Variants in DENND6A observed in about 807,000 individuals in gnomAD.
DENND6A encodes the protein DENN domain containing 6A.
DENND6A carries 43 observed loss-of-function variants against 95.5 expected under a neutral mutation model. That is an observed-to-expected ratio of 0.45 (90% CI 0.35 to 0.58). The LOEUF is 0.58. DENND6A is among the 20% of genes least tolerant of loss of function. DENND6A has a pLI of 0.00. For synonymous variants in DENND6A, 257 were observed against 260.4 expected (o/e 0.99, Z 0.13); for missense variants, 574 against 736.0 (o/e 0.78, Z 2.55).
At position 57,646,372 on chromosome 3, in the gene DENND6A, A is replaced by C. The variant is rs1398235610; in HGVS notation, c.885T>G (p.Leu295=). The change falls in exon 10 of 20, where the codon CTT becomes CTG. Residue 295 remains leucine, a synonymous_variant. Transcript: ENST00000311128. ...LWELVLLGEP[L]VVMAPSPSES... ...CCGATGGTGATGGCGCCATAACCAC[A>C]AGGGGCTCCCCCAACAGCACCAGCT... 6.2e-7 allele frequency: 1 copy of C among 1,614,056 alleles called. No individual in the cohort carries two copies. Among genetic ancestry groups the C allele is most frequent in the Non-Finnish European group, 8.5e-7 (1 of 1,179,928 alleles).
intron 9 of DENND6A, among the ~76,000 whole-genome samples, chr3:57,647,303 C>A (rs1236474639): frequency 2.0e-5 from 3 of 152,038 alleles, no homozygotes; most frequent in African/African-American, 7.2e-5. Flanking sequence ...CAAACAACAA[C>A]AAAAAAACAG....
intron 12 of DENND6A, among the ~76,000 whole-genome samples, chr3:57,636,507 A>G (rs539265023): frequency 1.3e-5 from 2 of 152,340 alleles, no homozygotes; most frequent in South Asian, 4.1e-4. Flanking sequence ...AGAAATGACA[A>G]TATGGAGGGA....
Position 57,634,780 on chromosome 3 carries a change from C to G in DENND6A, c.1133-11G>C, listed in dbSNP as rs1258490158. The G allele has an allele frequency of 5.8e-6, 9 of 1,540,938 alleles. No individual in the cohort carries two copies. The highest frequency in any genetic ancestry group is 7.9e-6 in the Non-Finnish European group (9 of 1,146,236). ...GCTTAGGAATTTCACCTGAAGGAAGCAGCATAAAGATTTTTATAATTATTC... is the reference window on the plus strand; with the variant it reads ...GCTTAGGAATTTCACCTGAAGGAAGGAGCATAAAGATTTTTATAATTATTC... On this transcript the variant is annotated splice_polypyrimidine_tract_variant and intron_variant, in intron 12 of 19. Transcript: ENST00000311128.
intron 9 of DENND6A, among the ~76,000 whole-genome samples, chr3:57,650,466 CCTAG>C (rs1417033730): frequency 6.6e-6 from 1 of 150,482 alleles, no homozygotes; most frequent in East Asian, 2.0e-4. Flanking sequence ...ACACACACAT[CCTAG>C]CTTTGTCCAC....
At position 57,687,676 on chromosome 3, in the gene DENND6A, T is replaced by C. The variant is rs184696270; in HGVS notation, c.237+5106A>G. Among the ~76,000 whole-genome samples, 5 of 152,246 alleles carry C rather than the reference T, an allele frequency of 3.3e-5. No individual in the cohort carries two copies. The East Asian group carries it at 9.7e-4, about 29-fold the overall frequency. ...AGCCAGGTGTGGTCGCTCATGTCTG[T>C]AATCCTAGCACTTTAGGAGGTGGAG... On this transcript the variant is annotated intron_variant, in intron 1 of 19. Transcript: ENST00000311128.
chr3:57,628,725 G>A (rs1360828137), intron 19 of DENND6A, 86 bp downstream of exon 19: 44 of 1,369,360 alleles, frequency 3.2e-5, no homozygotes, highest in Non-Finnish European at 4.1e-5. Context: ...TTACTTCTGC[G>A]AACTATCATG....
chr3:57,675,646 T>C (rs1296078036), intron 1 of DENND6A, among the ~76,000 whole-genome samples: 1 of 152,156 alleles, frequency 6.6e-6, no homozygotes, highest in African/African-American at 2.4e-5. Flanking sequence ...CCACAGCCCC[T>C]GCAAGGAAGC....
intron 11 of DENND6A, among the ~76,000 whole-genome samples, chr3:57,642,508 A>G (rs535242075): frequency 1.8e-4 from 27 of 152,132 alleles, no homozygotes; most frequent in Non-Finnish European, 3.8e-4. Flanking sequence ...AAGTGACATT[A>G]TGGCCTGTCT....
chr3:57,678,149 T>C (rs114301910), intron 1 of DENND6A, among the ~76,000 whole-genome samples: 250 of 152,258 alleles, frequency 1.6e-3, no homozygotes, highest in African/African-American at 5.7e-3. Flanking sequence ...AATACCAAAT[T>C]CTTTTGGCAT....
chr3:57,629,119 T>C lies in DENND6A; in HGVS notation c.1621-234A>G, dbSNP rs532997401. On this transcript the variant is annotated intron_variant, in intron 18 of 19. Coordinates refer to ENST00000311128, the MANE Select transcript of DENND6A (RefSeq NM_152678.3). ...TCATATTTGGAAGTAAAACAAAATG[T>C]ACTGAGGTGGCTTTTTTAGATCAAG... 9.8e-5 allele frequency among the ~76,000 whole-genome samples: 15 copies of C among 152,342 alleles called. No individual in the cohort carries two copies. In the East Asian group the frequency reaches 2.7e-3, roughly 27 times the overall value.
chr3:57,626,825 CAG>C lies in DENND6A; in HGVS notation c.*1387_*1388del, dbSNP rs2070540572. On this transcript the variant is annotated 3_prime_UTR_variant, in exon 20 of 20. Coordinates refer to ENST00000311128, the MANE Select transcript of DENND6A (RefSeq NM_152678.3). Reference sequence around the variant, plus strand: ...GCAAGGTAGTATTGTTTAAACAAAACAGAAACAAAAACAACAACAACAAAAGC... The same window carrying C: ...GCAAGGTAGTATTGTTTAAACAAAACAAACAAAAACAACAACAACAAAAGC... 6.6e-6 allele frequency: 1 copy of C among 152,242 alleles called. No individual in the cohort carries two copies. Among genetic ancestry groups the C allele is most frequent in the African/African-American group, 2.4e-5 (1 of 41,364 alleles). The allele number at this position is 152,242 out of a possible 1,614,324, so 9.4% of individuals were successfully genotyped here.
intron 3 of DENND6A, among the ~76,000 whole-genome samples, chr3:57,668,665 G>T (rs968214317): frequency 1.3e-5 from 2 of 152,122 alleles, no homozygotes; most frequent in East Asian, 3.9e-4. Flanking sequence ...GGAGGGGCGG[G>T]GAAGGGCAAA....
intron 11 of DENND6A, among the ~76,000 whole-genome samples, chr3:57,643,764 T>C (rs1241710449): frequency 1.3e-5 from 2 of 150,358 alleles, no homozygotes; most frequent in South Asian, 2.1e-4. Flanking sequence ...GAGGTGAAGT[T>C]TGCAGTGAGC....
Position 57,661,428 on chromosome 3 carries a change from G to T in DENND6A, c.619+18C>A, listed in dbSNP as rs370311546. ...AAAAATTTTAAAACTCCTGCATAAA[G>T]GTATATGTTAAACTTACCTGCTTCC... On this transcript the variant is annotated intron_variant, in intron 6 of 19. Transcript: ENST00000311128. The T allele has an allele frequency of 6.2e-5, 94 of 1,518,002 alleles. No homozygotes were observed. The South Asian group carries it at 1.1e-3, about 17-fold the overall frequency. 94.0% of individuals were successfully genotyped at this position (1,518,002 alleles called of 1,614,324 possible).
chr3:57,641,290 AT>A (rs1269856082), intron 12 of DENND6A, among the ~76,000 whole-genome samples: 1 of 143,900 alleles, frequency 6.9e-6, no homozygotes, highest in African/African-American at 2.5e-5. Flanking sequence ...ATATTTAAAT[AT>A]TATATATTTA....
intron 5 of DENND6A, among the ~76,000 whole-genome samples, chr3:57,662,726 C>T (rs555295354): frequency 2.0e-5 from 3 of 152,070 alleles, no homozygotes; most frequent in Admixed American, 2.0e-4. Flanking sequence ...ATAACTGTAA[C>T]TTACTGTCAG....
At chr3:57,660,664 T>C (rs2071405901) in intron 7 of DENND6A, 96 bp downstream of exon 7, 3 of 1,075,998 alleles carry the variant, frequency 2.8e-6, no homozygotes, top group Non-Finnish European at 3.8e-6. Context: ...GCTGTGATCA[T>C]GCCACTGTAC....
At chr3:57,677,074 T>C (rs1387197416) in intron 1 of DENND6A, among the ~76,000 whole-genome samples, 1 of 152,210 alleles carries the variant, frequency 6.6e-6, no homozygotes, top group South Asian at 2.1e-4. Flanking sequence ...TCCACCCGCC[T>C]TGGCCTCCCA....
intron 12 of DENND6A, among the ~76,000 whole-genome samples, chr3:57,635,633 T>C (rs747107821): frequency 2.6e-5 from 4 of 152,206 alleles, no homozygotes; most frequent in Non-Finnish European, 4.4e-5. Flanking sequence ...AATAGTTACA[T>C]AGATCAAACT....
Sources: gnomAD v4.1 joint callset for allele counts (sites outside exome capture counted in the v4.1 genomes callset) on GRCh38, gnomAD v4.1.1 for gene constraint, MANE v1.5 for transcripts, NCBI Gene and HGNC (gene_info 2026-07-23, HGNC 2026-07-21) for gene names.